The following PRKN variants were observed in gnomAD, a reference collection of about 807,000 sequenced individuals.
The protein encoded by PRKN is parkin RBR E3 ubiquitin protein ligase, also known as E3 ubiquitin-protein ligase parkin.
In PRKN, 56 loss-of-function variants were observed where a neutral mutation model predicts 59.5. The ratio of observed to expected loss-of-function variants is 0.94; its 90% CI spans 0.76 to 1.18. PRKN has a LOEUF of 1.18. Among genes scored for constraint, PRKN ranks in the 50% most tolerant of loss-of-function variants. The probability of loss-of-function intolerance (pLI) is 0.00; values close to 1 mark genes in which losing one functional copy is unlikely to be tolerated. For missense variants in PRKN, 657 were observed against 596.4 expected, an observed-to-expected ratio of 1.10 and a Z score of -1.06; for synonymous variants, 250 against 222.1, an observed-to-expected ratio of 1.13 and a Z score of -1.12.
At chr6:161,654,274 C>A (rs767245003) in intron 7 of PRKN, among the ~76,000 whole-genome samples, 2 of 152,252 alleles carry the variant, frequency 1.3e-5, no homozygotes, top group South Asian at 2.1e-4. Context: ...ATTGGCCCTA[C>A]CTGAAAATGT....
intron 9 of PRKN, among the ~76,000 whole-genome samples, chr6:161,432,817 C>T (rs965327896): frequency 1.3e-5 from 2 of 152,020 alleles, no homozygotes; most frequent in Non-Finnish European, 2.9e-5. Flanking sequence ...TCAAGAGATG[C>T]TTTACTGGCA....
intron 2 of PRKN, among the ~76,000 whole-genome samples, chr6:162,303,007 C>T (rs1782036162): frequency 1.4e-5 from 2 of 145,886 alleles, no homozygotes; most frequent in Admixed American, 7.0e-5. Context: ...CACAGACACA[C>T]ACACTTCCCA....
chr6:162,229,988 G>A lies in PRKN; in HGVS notation c.413-28736C>T, dbSNP rs183705829. On this transcript the variant is annotated intron_variant, in intron 3 of 11. Coordinates refer to ENST00000366898, the MANE Select transcript of PRKN (RefSeq NM_004562.3). ...ACATCTGAGTACTTAGAACCACTCC[G>A]CCACAGAGCCTGCACTCCGTAAACT... is the stretch of plus-strand genomic sequence containing the variant. Among the ~76,000 whole-genome samples, 74 of 152,190 alleles carry A rather than the reference G, an allele frequency of 4.9e-4. 1 individual carries two copies. Among genetic ancestry groups the A allele is most frequent in the Admixed American group, 3.4e-3 (52 of 15,286 alleles).
At chr6:161,831,277 A>T (rs1792488096) in intron 6 of PRKN, among the ~76,000 whole-genome samples, 1 of 152,200 alleles carries the variant, frequency 6.6e-6, no homozygotes, top group Admixed American at 6.6e-5. Flanking sequence ...TTAAGAACTG[A>T]CCTCTATCCC....
intron 6 of PRKN, among the ~76,000 whole-genome samples, chr6:161,846,967 T>C (rs1262092273): frequency 6.6e-6 from 1 of 152,164 alleles, no homozygotes; most frequent in Non-Finnish European, 1.5e-5. Context: ...AGAGCTTTGT[T>C]TGATTCCATT....
intron 4 of PRKN, among the ~76,000 whole-genome samples, chr6:162,107,454 G>A (rs1460314099): frequency 2.6e-5 from 4 of 152,180 alleles, no homozygotes; most frequent in Admixed American, 2.6e-4. Context: ...GACAGAGCGA[G>A]ACTCTGTCTC....
In PRKN at chr6:161,397,560, T is replaced by C. The variant is rs1302443182; in HGVS notation, c.1084-10683A>G. Reference sequence around the variant, plus strand: ...ACCCTTCCCAACTCCTCTTTTAAGATGCACTTTGCCTATTGCATATTTCCA... The same window carrying C: ...ACCCTTCCCAACTCCTCTTTTAAGACGCACTTTGCCTATTGCATATTTCCA... On this transcript the variant is annotated intron_variant, in intron 9 of 11. Coordinates refer to ENST00000366898, the MANE Select transcript of PRKN (RefSeq NM_004562.3). This position sits in a 1 kb window ranked among gnomAD's most constrained non-coding sequence, Gnocchi z 4.2. 6.6e-6 allele frequency among the ~76,000 whole-genome samples: 1 copy of C among 152,226 alleles called. No homozygotes were observed. Among genetic ancestry groups the C allele is most frequent in the African/African-American group, 2.4e-5 (1 of 41,446 alleles).
intron 1 of PRKN, among the ~76,000 whole-genome samples, chr6:162,443,790 A>G (rs150240315): frequency 6.6e-6 from 1 of 152,158 alleles, no homozygotes; most frequent in Non-Finnish European, 1.5e-5. Flanking sequence ...AAAGAGTCCC[A>G]TGAGTTTATT....
intron 5 of PRKN, among the ~76,000 whole-genome samples, chr6:161,984,417 T>C (rs1295577464): frequency 6.6e-6 from 1 of 151,924 alleles, no homozygotes; most frequent in East Asian, 1.9e-4. Context: ...GCTACCATGC[T>C]GGGTTAATTT....
At chr6:161,481,761 T>C (rs1453410526) in intron 9 of PRKN, among the ~76,000 whole-genome samples, 1 of 152,188 alleles carries the variant, frequency 6.6e-6, no homozygotes, top group Non-Finnish European at 1.5e-5. Flanking sequence ...TCACTCTGTT[T>C]GAGCACTTTA....
chr6:161,791,414 T>C (rs1033627064), intron 6 of PRKN, among the ~76,000 whole-genome samples: 2 of 152,024 alleles, frequency 1.3e-5, no homozygotes, highest in Non-Finnish European at 2.9e-5. Flanking sequence ...AGCATGCGAG[T>C]TTTTATGTTT....
At chr6:161,649,285 T>C (rs1358547170) in intron 7 of PRKN, among the ~76,000 whole-genome samples, 1 of 152,182 alleles carries the variant, frequency 6.6e-6, no homozygotes, top group East Asian at 1.9e-4. Flanking sequence ...TCCTGGCCTC[T>C]TGCTTGCCTT....
chr6:161,577,094 T>A (rs796869212), intron 7 of PRKN, among the ~76,000 whole-genome samples: 13 of 152,306 alleles, frequency 8.5e-5, no homozygotes, highest in African/African-American at 3.1e-4. Context: ...AAATCTGTCT[T>A]AAAGTGTATT....
At chr6:161,800,127 C>T (rs1010343449) in intron 6 of PRKN, among the ~76,000 whole-genome samples, 6 of 152,050 alleles carry the variant, frequency 3.9e-5, no homozygotes, top group Admixed American at 3.9e-4. Flanking sequence ...CTTGAGGTAA[C>T]GAATGGACTG....
intron 1 of PRKN, among the ~76,000 whole-genome samples, chr6:162,470,797 C>T (rs139748362): frequency 0.02 from 3,109 of 152,028 alleles, 48 homozygotes; most frequent in Non-Finnish European, 0.033. Flanking sequence ...CATTCTGTGG[C>T]CCAGGCTGGA....
intron 2 of PRKN, among the ~76,000 whole-genome samples, chr6:162,286,882 A>T (rs1056119542): frequency 4.6e-5 from 7 of 152,330 alleles, no homozygotes; most frequent in Middle Eastern, 3.4e-3. Context: ...ACCTAAAGGG[A>T]TATCACTGGA....
chr6:161,912,231 A>G (rs115969109), intron 6 of PRKN, among the ~76,000 whole-genome samples: 393 of 152,010 alleles, frequency 2.6e-3, no homozygotes, highest in African/African-American at 9.2e-3. Context: ...TGCACTGGTG[A>G]TATCTTCCTT....
rs542772597 is a variant in PRKN at position 161,480,655 on chromosome 6, A to T, written c.1083+68199T>A. Among the ~76,000 whole-genome samples the T allele has an allele frequency of 6.6e-6, 1 of 152,288 alleles. No homozygotes were observed. Among genetic ancestry groups the T allele is most frequent in the South Asian group, 2.1e-4 (1 of 4,828 alleles). ...GGAAATATCGTCTCCTTTGTAGGAAATCACCTAACTGGAACCTTCAATGGA... is the reference window on the plus strand; with the variant it reads ...GGAAATATCGTCTCCTTTGTAGGAATTCACCTAACTGGAACCTTCAATGGA... On this transcript the variant is annotated intron_variant, in intron 9 of 11. Coordinates refer to ENST00000366898, the MANE Select transcript of PRKN (RefSeq NM_004562.3). This position sits in a 1 kb window ranked among gnomAD's most constrained non-coding sequence, Gnocchi z 4.1.
At chr6:162,716,885 T>C (rs1361222003) in intron 1 of PRKN, among the ~76,000 whole-genome samples, 1 of 152,222 alleles carries the variant, frequency 6.6e-6, no homozygotes, top group East Asian at 1.9e-4. Context: ...TAGCTCTCTG[T>C]CATTCTTCCT....
Sources: allele counts gnomAD v4.1 joint callset (sites outside exome capture counted in the v4.1 genomes callset), GRCh38; gene constraint gnomAD v4.1.1; non-coding constraint Gnocchi (gnomAD v3.1); transcripts MANE v1.5; gene names NCBI Gene and HGNC (gene_info 2026-07-23, HGNC 2026-07-21).